Variants in HTRA1 observed in about 807,000 individuals in gnomAD.
The protein encoded by HTRA1 is HtrA serine peptidase 1, also known as serine protease HTRA1.
In HTRA1, 26 loss-of-function variants were observed where a neutral mutation model predicts 49.7. The ratio of observed to expected loss-of-function variants is 0.52; its 90% CI spans 0.38 to 0.73. The LOEUF is 0.73. Among genes scored for constraint, HTRA1 ranks in the 30% least tolerant of loss-of-function variants. HTRA1 has a pLI of 0.00. For synonymous variants in HTRA1, 291 were observed against 286.9 expected, an observed-to-expected ratio of 1.01 and a Z score of -0.14; for missense variants, 561 against 667.2, an observed-to-expected ratio of 0.84 and a Z score of 1.75.
Position 122,464,339 on chromosome 10 carries a change from C to T in HTRA1, c.472+2215C>T, listed in dbSNP as rs2097482876. 6.6e-6 allele frequency among the ~76,000 whole-genome samples: 1 copy of T among 152,106 alleles called. No individual in the cohort carries two copies. Among genetic ancestry groups the T allele is most frequent in the Admixed American group, 6.5e-5 (1 of 15,268 alleles). ...CATTGGCCATCGGGCTCACAGCGGG[C>T]CCCCGGTGTACCAGTGAGGGGACAG... On this transcript the variant is annotated intron_variant, in intron 1 of 8. Transcript: ENST00000368984. This position sits in a 1 kb window ranked among gnomAD's most constrained non-coding sequence, Gnocchi z 4.8.
Position 122,489,406 on chromosome 10 carries a change from C to T in HTRA1, c.573-16C>T. 2 of 1,612,774 alleles carry T rather than the reference C, an allele frequency of 1.2e-6. No individual in the cohort carries two copies. Among genetic ancestry groups the T allele is most frequent in the Admixed American group, 3.3e-5 (2 of 60,024 alleles). ...AAGGTGCTACAGGCTTAAGTGTGTA[C>T]TCCTTTGGATTTTAGGCTTCCGTTT... On this transcript the variant is annotated splice_polypyrimidine_tract_variant and intron_variant, in intron 2 of 8. Coordinates refer to ENST00000368984, the MANE Select transcript of HTRA1 (RefSeq NM_002775.5).
chr10:122,500,980 GT>G (rs2097500637), intron 3 of HTRA1, among the ~76,000 whole-genome samples: 1 of 152,182 alleles, frequency 6.6e-6, no homozygotes, highest in Non-Finnish European at 1.5e-5. Context: ...AAGGGCAGCT[GT>G]TTCCCCGCTG....
chr10:122,465,568 C>T (rs1046449105), intron 1 of HTRA1, among the ~76,000 whole-genome samples: 1 of 152,206 alleles, frequency 6.6e-6, no homozygotes, highest in African/African-American at 2.4e-5. Context: ...TTTAAACCAA[C>T]CCCAGCTAAG....
intron 1 of HTRA1, among the ~76,000 whole-genome samples, chr10:122,471,382 C>A (rs1387393295): frequency 6.6e-6 from 1 of 152,226 alleles, no homozygotes; most frequent in African/African-American, 2.4e-5. Flanking sequence ...CATTTACAGT[C>A]TGTTCCCATG....
In HTRA1 at chr10:122,514,204, G is replaced by A. The variant is rs765092967; in HGVS notation, c.1288G>A (p.Glu430Lys). 3.9e-5 allele frequency: 63 copies of A among 1,613,884 alleles called. No individual in the cohort carries two copies. The highest frequency in any genetic ancestry group is 5.3e-5 in the Non-Finnish European group (62 of 1,179,976). ...DTPAEAGGLK[E>K]NDVIISINGQ... The stretch of plus-strand genomic sequence containing the variant: ...TTTGTGTTGCAGTGGTGGTCTCAAG[G>A]AAAACGACGTCATAATCAGCATCAA... The change falls in exon 9 of 9, where the codon GAA becomes AAA. Residue 430 changes from glutamate (E) to lysine (K), a missense_variant. Physicochemically the swap from Glu to Lys is moderately conservative, Grantham distance 56. Around this residue, in one of 3 missense-constraint regions of HTRA1, gnomAD observed 179 missense variants for 173.4 expected, o/e 1.03. Transcript: ENST00000368984.
intron 3 of HTRA1, among the ~76,000 whole-genome samples, chr10:122,492,751 AT>A (rs1156808881): frequency 2.0e-5 from 3 of 152,116 alleles, no homozygotes; most frequent in African/African-American, 7.2e-5. Flanking sequence ...GGCATTTCAC[AT>A]GTCCATCATC....
intron 3 of HTRA1, 112 bp downstream of exon 3, chr10:122,489,738 T>A (rs1051769439): frequency 2.0e-6 from 2 of 977,918 alleles, no homozygotes; most frequent in African/African-American, 1.6e-5. Context: ...CTGAAGCCAG[T>A]CTGAGCCAGT....
intron 1 of HTRA1, among the ~76,000 whole-genome samples, chr10:122,469,563 C>T (rs1049268387): frequency 6.6e-6 from 1 of 152,222 alleles, no homozygotes; most frequent in Admixed American, 6.5e-5. Flanking sequence ...TGTCATCAAA[C>T]AGAACAGTGA....
intron 1 of HTRA1, among the ~76,000 whole-genome samples, chr10:122,480,283 G>T (rs545604768): frequency 6.6e-6 from 1 of 152,062 alleles, no homozygotes; most frequent in Non-Finnish European, 1.5e-5. Context: ...GTACAACTTG[G>T]TGTTCCTACC....
chr10:122,478,773 G>T (rs572387168), intron 1 of HTRA1, among the ~76,000 whole-genome samples: 56 of 152,252 alleles, frequency 3.7e-4, no homozygotes, highest in African/African-American at 1.2e-3. Context: ...CTGGATTTGG[G>T]GTATTAAATC....
intron 3 of HTRA1, among the ~76,000 whole-genome samples, chr10:122,495,001 G>T (rs2133441883): frequency 6.6e-6 from 1 of 152,144 alleles, no homozygotes; most frequent in East Asian, 1.9e-4. Flanking sequence ...GCGGGGAGTG[G>T]ACTGGGGTGG....
intron 1 of HTRA1, among the ~76,000 whole-genome samples, chr10:122,466,226 C>A (rs971380314): frequency 2.0e-5 from 3 of 152,076 alleles, no homozygotes; most frequent in Non-Finnish European, 4.4e-5. Context: ...AGTGCAGTGG[C>A]GCGATCTCGG....
chr10:122,467,436 A>C (rs1480435744), intron 1 of HTRA1, among the ~76,000 whole-genome samples: 1 of 152,152 alleles, frequency 6.6e-6, no homozygotes, highest in African/African-American at 2.4e-5. Context: ...CTAAGAAAAC[A>C]AGTCTTTGAG....
intron 6 of HTRA1, 137 bp downstream of exon 6, chr10:122,508,907 T>C: frequency 3.0e-6 from 2 of 668,772 alleles, no homozygotes; most frequent in Non-Finnish European, 5.4e-6. Flanking sequence ...TGAACGGGAA[T>C]GCACATTACT....
At position 122,506,600 on chromosome 10, in the gene HTRA1, A is replaced by T; in HGVS notation, c.778-91A>T. The T allele has an allele frequency of 8.9e-7, 1 of 1,129,126 alleles. No homozygotes were observed. The highest frequency in any genetic ancestry group is 1.3e-6 in the Non-Finnish European group (1 of 752,156). 69.9% of individuals were successfully genotyped at this position (1,129,126 alleles called of 1,614,324 possible). A position where few individuals can be genotyped will look rare whatever the true frequency, so the allele number is the denominator to read the frequency against. On this transcript the variant is annotated intron_variant, in intron 3 of 8. Coordinates refer to ENST00000368984, the MANE Select transcript of HTRA1 (RefSeq NM_002775.5). The surrounding 1 kb of genome is among the most constrained non-coding windows in gnomAD (Gnocchi z 5.2). ...GCCTGGTGTTTCCAAATAGCCCGTC[A>T]CTGTCCCTGCTTGGTTTTCCATGAT...
chr10:122,494,976 C>T lies in HTRA1; in HGVS notation c.777+5350C>T, dbSNP rs572998874. On this transcript the variant is annotated intron_variant, in intron 3 of 8. Transcript: ENST00000368984. This position sits in a 1 kb window ranked among gnomAD's most constrained non-coding sequence, Gnocchi z 4.0. ...GAGTGAGGGGGTTCAGGCAGCCCCCCGGGACATGGCAGTGGCGGGGAGTGG... is the reference window on the plus strand; with the variant it reads ...GAGTGAGGGGGTTCAGGCAGCCCCCTGGGACATGGCAGTGGCGGGGAGTGG... Among the ~76,000 whole-genome samples the T allele has an allele frequency of 4.6e-5, 7 of 152,234 alleles. No individual in the cohort carries two copies. The South Asian group carries it at 6.2e-4, about 14-fold the overall frequency.
rs1332740101 is a variant in HTRA1, at chr10:122,487,250, G to T, written c.473-1652G>T. Among the ~76,000 whole-genome samples, 2 of 152,170 alleles carry T rather than the reference G, an allele frequency of 1.3e-5. No homozygotes were observed. The highest frequency in any genetic ancestry group is 2.9e-5 in the Non-Finnish European group (2 of 68,038). The stretch of plus-strand genomic sequence containing the variant: ...AGCTAGTCCAAGGGGGAAGAATGGG[G>T]TGCATGGCTCTCAGCTGCAGACCAG... On this transcript the variant is annotated intron_variant, in intron 1 of 8. Transcript: ENST00000368984. This position sits in a 1 kb window ranked among gnomAD's most constrained non-coding sequence, Gnocchi z 4.8.
intron 3 of HTRA1, 123 bp downstream of exon 3, chr10:122,489,749 C>T (rs1368246897): frequency 3.5e-5 from 31 of 896,626 alleles, no homozygotes; most frequent in Non-Finnish European, 5.0e-5. Flanking sequence ...CTGAGCCAGT[C>T]ACAGGAGGGC....
chr10:122,504,350 T>C (rs1177285731), intron 3 of HTRA1, among the ~76,000 whole-genome samples: 1 of 152,194 alleles, frequency 6.6e-6, no homozygotes, highest in Non-Finnish European at 1.5e-5. Context: ...CCTCCCTTTC[T>C]AGGAGGCGCC....
Sources: allele counts gnomAD v4.1 joint callset (sites outside exome capture counted in the v4.1 genomes callset), GRCh38; gene constraint gnomAD v4.1.1; regional missense constraint gnomAD v4.1.1; non-coding constraint Gnocchi (gnomAD v3.1); transcripts MANE v1.5; gene names NCBI Gene and HGNC (gene_info 2026-07-23, HGNC 2026-07-21).